DCC: variants seen among roughly 807,000 people sequenced by gnomAD.
The protein encoded by DCC is DCC netrin 1 receptor.
In DCC, 58 loss-of-function variants were observed where a neutral mutation model predicts 172.5. The ratio of observed to expected loss-of-function variants is 0.34; its 90% CI spans 0.27 to 0.42. The LOEUF is 0.42. Ranked by LOEUF, DCC falls within the 10% of genes least tolerant of loss-of-function variation. DCC has a pLI of 1.00. For synonymous variants in DCC, 709 were observed against 644.5 expected, an observed-to-expected ratio of 1.10 and a Z score of -1.52; for missense variants, 1,740 against 1,791.0, an observed-to-expected ratio of 0.97 and a Z score of 0.51.
At chr18:53,405,806 T>C (rs1215034482) in intron 19 of DCC, among the ~76,000 whole-genome samples, 2 of 152,206 alleles carry the variant, frequency 1.3e-5, no homozygotes, top group African/African-American at 2.4e-5. Flanking sequence ...TTATTCCATT[T>C]TAAAATGAAA....
intron 1 of DCC, among the ~76,000 whole-genome samples, chr18:52,638,226 A>T (rs773040780): frequency 5.9e-5 from 9 of 152,158 alleles, no homozygotes; most frequent in Non-Finnish European, 1.3e-4. Flanking sequence ...TTAAAGCATA[A>T]ATCACACAGG....
intron 1 of DCC, among the ~76,000 whole-genome samples, chr18:52,710,486 A>C (rs2036276486): frequency 6.6e-6 from 1 of 152,220 alleles, no homozygotes; most frequent in Admixed American, 6.5e-5. Flanking sequence ...AAGCGTGTGC[A>C]CACTTGCATG....
rs776080029 is a variant in DCC, at chr18:52,802,643, C to CTTTTTT, written c.412+50304_412+50309dup. On this transcript the variant is annotated intron_variant, in intron 2 of 28. Transcript: ENST00000442544. ...ACAGGTACACATCACCACGCCAAGCCTTTTTTTTTTTTTTTTTTTTTTTTT... is the reference window on the plus strand; with the variant it reads ...ACAGGTACACATCACCACGCCAAGCCTTTTTTTTTTTTTTTTTTTTTTTTTTTTTTT... Among the ~76,000 whole-genome samples the CTTTTTT allele has an allele frequency of 9.4e-4, 36 of 38,200 alleles. 13 individuals carry two copies. Among genetic ancestry groups the CTTTTTT allele is most frequent in the East Asian group, 2.5e-3 (2 of 814 alleles). The allele number at this position is 38,200 out of a possible 152,430, so 25.1% of individuals were successfully genotyped here.
chr18:52,356,641 T>A (rs1048780250), intron 1 of DCC, among the ~76,000 whole-genome samples: 2 of 152,310 alleles, frequency 1.3e-5, no homozygotes, highest in Admixed American at 1.3e-4. Flanking sequence ...GAATCTTTTA[T>A]CCATATTCAT....
chr18:52,481,241 G>A (rs1438662422), intron 1 of DCC, among the ~76,000 whole-genome samples: 1 of 152,182 alleles, frequency 6.6e-6, no homozygotes, highest in African/African-American at 2.4e-5. Context: ...ACACAAGAAT[G>A]CAAATATTGT....
intron 26 of DCC, among the ~76,000 whole-genome samples, chr18:53,498,580 G>A (rs936134098): frequency 2.7e-5 from 4 of 145,886 alleles, no homozygotes; most frequent in Admixed American, 1.4e-4. Flanking sequence ...AAAAAAAGGT[G>A]TATTTCCATA....
intron 12 of DCC, among the ~76,000 whole-genome samples, chr18:53,303,389 C>T (rs533910574): frequency 1.3e-5 from 2 of 152,172 alleles, no homozygotes; most frequent in East Asian, 3.9e-4. Flanking sequence ...CTGATGTTTC[C>T]TTCATGTGCT....
intron 2 of DCC, among the ~76,000 whole-genome samples, chr18:52,774,379 A>G (rs2037392648): frequency 6.6e-6 from 1 of 152,234 alleles, no homozygotes; most frequent in African/African-American, 2.4e-5. Context: ...ACCCCAAGGT[A>G]GGAGTGAGGG....
At chr18:52,941,502 G>GTGTATATATA (rs151312837) in intron 5 of DCC, among the ~76,000 whole-genome samples, 1 of 148,870 alleles carries the variant, frequency 6.7e-6, no homozygotes, top group African/African-American at 2.5e-5. Context: ...GTGTGTGTGT[G>GTGTATATATA]TATATATATA....
At chr18:53,244,498 T>A (rs2056342524) in intron 12 of DCC, among the ~76,000 whole-genome samples, 1 of 152,146 alleles carries the variant, frequency 6.6e-6, no homozygotes, top group Admixed American at 6.6e-5. Context: ...TGGGTTCAGC[T>A]GTGTGGTTCT....
intron 1 of DCC, among the ~76,000 whole-genome samples, chr18:52,586,507 G>T (rs1335769938): frequency 1.3e-5 from 2 of 152,146 alleles, no homozygotes; most frequent in Non-Finnish European, 2.9e-5. Flanking sequence ...TGTCCAGGTG[G>T]CAATCTTAAC....
intron 1 of DCC, among the ~76,000 whole-genome samples, chr18:52,687,506 A>G (rs914164029): frequency 2.0e-5 from 3 of 151,908 alleles, no homozygotes; most frequent in Non-Finnish European, 4.4e-5. Flanking sequence ...GCCGGTCTCA[A>G]TCTCCTGACC....
chr18:52,704,185 C>T (rs1197086442), intron 1 of DCC, among the ~76,000 whole-genome samples: 1 of 151,878 alleles, frequency 6.6e-6, no homozygotes, highest in Admixed American at 6.6e-5. Context: ...AACTTCCAAC[C>T]TTTGTATGTG....
chr18:53,495,877 T>C (rs2046016406), intron 26 of DCC, among the ~76,000 whole-genome samples: 1 of 152,158 alleles, frequency 6.6e-6, no homozygotes, highest in Admixed American at 6.5e-5. Context: ...CAATCTCTGA[T>C]ATCCTTTCTT....
chr18:53,043,624 T>A (rs1019040730), intron 5 of DCC, among the ~76,000 whole-genome samples: 1 of 151,776 alleles, frequency 6.6e-6, no homozygotes, highest in African/African-American at 2.4e-5. Context: ...ACTTTATGAG[T>A]TTTCTTTGCC....
chr18:52,401,469 G>A (rs570583288), intron 1 of DCC, among the ~76,000 whole-genome samples: 1 of 152,106 alleles, frequency 6.6e-6, no homozygotes, highest in East Asian at 1.9e-4. Context: ...CCTTTAGCAA[G>A]TCAACTGGCA....
chr18:52,608,851 G>A (rs575566733), intron 1 of DCC, among the ~76,000 whole-genome samples: 2 of 152,218 alleles, frequency 1.3e-5, no homozygotes, highest in African/African-American at 2.4e-5. Context: ...ACTTGGCTTC[G>A]TGTTGCCATC....
intron 1 of DCC, among the ~76,000 whole-genome samples, chr18:52,617,657 C>T (rs1285115973): frequency 6.6e-6 from 1 of 152,106 alleles, no homozygotes; most frequent in African/African-American, 2.4e-5. Flanking sequence ...AGAAGTGGAT[C>T]ATTTGTTTTT....
At chr18:52,833,996 G>T (rs144682657) in intron 2 of DCC, among the ~76,000 whole-genome samples, 1 of 152,094 alleles carries the variant, frequency 6.6e-6, no homozygotes, top group East Asian at 1.9e-4. Flanking sequence ...CCAAGCTCCA[G>T]CACAGAACTC....
Sources: allele counts gnomAD v4.1 joint callset (sites outside exome capture counted in the v4.1 genomes callset), GRCh38; gene constraint gnomAD v4.1.1; transcripts MANE v1.5; gene names NCBI Gene and HGNC (gene_info 2026-07-23, HGNC 2026-07-21).